The following FGF2 variants were observed in gnomAD, a reference collection of about 807,000 sequenced individuals.
FGF2 encodes fibroblast growth factor 2.
FGF2 carries 13 observed loss-of-function variants against 15.9 expected under a neutral mutation model. The observed-to-expected ratio is 0.82, with a 90% CI of 0.53 to 1.30. The LOEUF is 1.30. FGF2 is among the 50% of genes most tolerant of loss of function. FGF2 has a pLI of 0.00. For synonymous variants in FGF2, 90 were observed against 78.4 expected (o/e 1.15, Z -0.78); for missense variants, 163 against 196.9 (o/e 0.83, Z 1.03).
At chr4:122,891,308 A>G (rs1214271357) in intron 2 of FGF2, among the ~76,000 whole-genome samples, 2 of 151,850 alleles carry the variant, frequency 1.3e-5, no homozygotes, top group African/African-American at 2.4e-5. Context: ...CCAAAGTGCT[A>G]GGATTACAGG....
chr4:122,879,389 A>C (rs527458736), intron 2 of FGF2, among the ~76,000 whole-genome samples: 1 of 152,236 alleles, frequency 6.6e-6, no homozygotes, highest in Non-Finnish European at 1.5e-5. Flanking sequence ...GGCTACTGTC[A>C]GACAGTGAGG....
chr4:122,842,711 T>C (rs1726014963), intron 1 of FGF2, among the ~76,000 whole-genome samples: 1 of 152,210 alleles, frequency 6.6e-6, no homozygotes, highest in African/African-American at 2.4e-5. Flanking sequence ...AGCCAGCTTA[T>C]TTTTATCTTA....
intron 2 of FGF2, among the ~76,000 whole-genome samples, chr4:122,891,286 C>T (rs1459586390): frequency 2.6e-5 from 4 of 151,902 alleles, no homozygotes; most frequent in East Asian, 1.9e-4. Context: ...GTGATCCGCC[C>T]GTCTCGGCCT....
At chr4:122,860,730 A>ACAGG (rs1726445123) in intron 1 of FGF2, among the ~76,000 whole-genome samples, 2 of 152,278 alleles carry the variant, frequency 1.3e-5, no homozygotes, top group Admixed American at 1.3e-4. Context: ...GTGCTAGGCT[A>ACAGG]CAGGCGTGAG....
rs9997146 is a variant in FGF2, at chr4:122,846,364, G to A, written c.178+19012G>A. ...TTTGAAAAAGGTCACTGATAGACTT[G>A]CTCGATGCAGGATTTCCACGAAACT... On this transcript the variant is annotated intron_variant, in intron 1 of 2. Coordinates refer to ENST00000644866, the MANE Select transcript of FGF2 (RefSeq NM_001361665.2). 7.2e-3 allele frequency among the ~76,000 whole-genome samples: 1,101 copies of A among 152,304 alleles called. 8 individuals carry two copies. Among genetic ancestry groups the A allele is most frequent in the African/African-American group, 0.025 (1,027 of 41,568 alleles).
intron 1 of FGF2, among the ~76,000 whole-genome samples, chr4:122,852,517 T>C (rs983991055): frequency 9.9e-5 from 15 of 152,224 alleles, no homozygotes; most frequent in African/African-American, 3.6e-4. Flanking sequence ...ACAGAAGATA[T>C]AAATATCAGG....
chr4:122,831,015 T>A (rs995481636), intron 1 of FGF2, among the ~76,000 whole-genome samples: 2 of 152,044 alleles, frequency 1.3e-5, no homozygotes, highest in African/African-American at 4.8e-5. Context: ...CCCTGGGCTC[T>A]TTGCTACTGC....
rs1331293000 is a variant in FGF2, at chr4:122,893,213, A to G, written c.*817A>G. The G allele has an allele frequency of 6.2e-7, 1 of 1,606,302 alleles. No homozygotes were observed. The highest frequency in any genetic ancestry group is 8.5e-7 in the Non-Finnish European group (1 of 1,175,078). On this transcript the variant is annotated 3_prime_UTR_variant, in exon 3 of 3. Transcript: ENST00000644866. ...ACCAGTCTCTTCAAAAACTTCTCGA[A>G]CCGCTGTGTCTCCTACGTAAAAAAA...
chr4:122,842,625 A>G (rs1188075010), intron 1 of FGF2, among the ~76,000 whole-genome samples: 2 of 152,202 alleles, frequency 1.3e-5, no homozygotes, highest in African/African-American at 4.8e-5. Context: ...CTCATTACAT[A>G]GTGTCCACTC....
chr4:122,826,801 T>C (rs1468330442), upstream of FGF2: 3 of 1,435,938 alleles, frequency 2.1e-6, no homozygotes, highest in South Asian at 4.2e-5. Flanking sequence ...GGTGGAGATG[T>C]AGAAGATGTG....
intron 2 of FGF2, among the ~76,000 whole-genome samples, chr4:122,878,446 A>G (rs917419802): frequency 1.3e-5 from 2 of 152,204 alleles, no homozygotes; most frequent in African/African-American, 4.8e-5. Context: ...ATTACAAGTA[A>G]TTAACTAATG....
intron 1 of FGF2, among the ~76,000 whole-genome samples, chr4:122,865,267 CTCT>C (rs1560749284): frequency 1.3e-5 from 2 of 148,178 alleles, no homozygotes; most frequent in East Asian, 2.2e-4. Flanking sequence ...GATTTATTTT[CTCT>C]GTTTTTTTTT....
chr4:122,877,498 G>C (rs1349089481), intron 2 of FGF2, among the ~76,000 whole-genome samples: 1 of 152,158 alleles, frequency 6.6e-6, no homozygotes, highest in Non-Finnish European at 1.5e-5. Flanking sequence ...ACTAGTACAG[G>C]CTCCCTGTCA....
At chr4:122,845,287 GGCAGAGTAGATTTA>G (rs1726087395) in intron 1 of FGF2, among the ~76,000 whole-genome samples, 1 of 152,210 alleles carries the variant, frequency 6.6e-6, no homozygotes, top group Non-Finnish European at 1.5e-5. Flanking sequence ...ATAGGGCACA[GGCAGAGTAGATTTA>G]GCATAATTCT....
chr4:122,889,719 T>C (rs1017386196), intron 2 of FGF2, among the ~76,000 whole-genome samples: 1 of 152,212 alleles, frequency 6.6e-6, no homozygotes, highest in Non-Finnish European at 1.5e-5. Flanking sequence ...GAAATAACTT[T>C]TGTAATAAAT....
chr4:122,889,826 C>G (rs1727132304), intron 2 of FGF2: 1 of 151,980 alleles, frequency 6.6e-6, no homozygotes, highest in South Asian at 2.1e-4. Context: ...TAGGAACTGG[C>G]TGAAAAGGCA....
At chr4:122,860,419 C>G (rs1332719014) in intron 1 of FGF2, among the ~76,000 whole-genome samples, 1 of 150,846 alleles carries the variant, frequency 6.6e-6, no homozygotes, top group Non-Finnish European at 1.5e-5. Flanking sequence ...TTCCTCTATA[C>G]CCTTCACCTA....
Position 122,827,414 on chromosome 4 carries a change from C to G in FGF2, c.178+62C>G. 6.4e-7 allele frequency: 1 copy of G among 1,568,618 alleles called. No individual in the cohort carries two copies. The highest frequency in any genetic ancestry group is 8.8e-7 in the Non-Finnish European group (1 of 1,142,488). On this transcript the variant is annotated intron_variant, in intron 1 of 2. Coordinates refer to ENST00000644866, the MANE Select transcript of FGF2 (RefSeq NM_001361665.2). This position sits in a 1 kb window ranked among gnomAD's most constrained non-coding sequence, Gnocchi z 4.2. ...TTCGTGGGTTCTCGCCCGCTCTCTC[C>G]CCTCCAGCCTGCACCCTCCTCCCGG...
At chr4:122,891,716 T>A (rs896588544) in intron 2 of FGF2, among the ~76,000 whole-genome samples, 1 of 144,548 alleles carries the variant, frequency 6.9e-6, no homozygotes, top group Admixed American at 6.9e-5. Context: ...AGTAAAGTAT[T>A]AACAAACCTC....
Sources: gnomAD v4.1 joint callset for allele counts (sites outside exome capture counted in the v4.1 genomes callset) on GRCh38, gnomAD v4.1.1 for gene constraint, Gnocchi (gnomAD v3.1) non-coding constraint, MANE v1.5 for transcripts, NCBI Gene and HGNC (gene_info 2026-07-23, HGNC 2026-07-21) for gene names.